C1orf94: variants seen among roughly 807,000 people sequenced by gnomAD.
C1orf94 encodes the protein uncharacterized protein C1orf94.
Under a neutral mutation model 53.6 loss-of-function variants are expected in C1orf94, and 45 were observed. The observed-to-expected ratio is 0.84, with a 90% CI of 0.66 to 1.08. C1orf94 has a LOEUF of 1.08. C1orf94 is among the 50% of genes least tolerant of loss of function. The pLI is 0.00. For synonymous variants in C1orf94, 304 were observed against 296.1 expected (o/e 1.03, Z -0.27); for missense variants, 762 against 738.9 (o/e 1.03, Z -0.36).
chr1:34,190,198 A>G (rs542496937), intron 1 of C1orf94, among the ~76,000 whole-genome samples: 3 of 152,244 alleles, frequency 2.0e-5, no homozygotes, highest in East Asian at 1.9e-4. Flanking sequence ...AAACTCCTCA[A>G]AAATACTGGT....
chr1:34,218,043 G>A (rs1643018052), intron 6 of C1orf94, among the ~76,000 whole-genome samples: 1 of 152,182 alleles, frequency 6.6e-6, no homozygotes, highest in Non-Finnish European at 1.5e-5. Flanking sequence ...GTATGGATAG[G>A]AGTGTGCCAG....
upstream of C1orf94, among the ~76,000 whole-genome samples, chr1:34,174,200 C>A (rs1642187822): frequency 6.6e-6 from 1 of 152,234 alleles, no homozygotes. Context: ...CAGTACAACA[C>A]AATTCTCCCT....
chr1:34,218,473 A>G (rs1643024881), intron 6 of C1orf94, among the ~76,000 whole-genome samples: 1 of 152,164 alleles, frequency 6.6e-6, no homozygotes, highest in African/African-American at 2.4e-5. Flanking sequence ...CCAAGTAAGC[A>G]TAAGGAGAAG....
At chr1:34,187,206 A>G (rs1320711942) in intron 1 of C1orf94, among the ~76,000 whole-genome samples, 1 of 152,148 alleles carries the variant, frequency 6.6e-6, no homozygotes, top group East Asian at 1.9e-4. Context: ...TAAAAGGTCA[A>G]TATTACTCCC....
chr1:34,204,485 A>G (rs1276781515), intron 4 of C1orf94, among the ~76,000 whole-genome samples: 1 of 152,030 alleles, frequency 6.6e-6, no homozygotes, highest in South Asian at 2.1e-4. Flanking sequence ...ATTGTCATGG[A>G]CCTGTTCATA....
chr1:34,197,751 C>A lies in C1orf94; in HGVS notation c.847C>A (p.Pro283Thr), dbSNP rs555746997. ...NLFSGPGPKE[P>T]TGLSPFLLLP... ...GTTCAGTGGCCCTGGACCCAAGGAG[C>A]CCACAGGGCTGAGCCCATTTCTGCT... The change falls in exon 2 of 7, where the codon CCC becomes ACC. Residue 283 changes from proline (P) to threonine (T), a missense_variant. Physicochemically the swap from Pro to Thr is conservative, Grantham distance 38 (BLOSUM62 -1). Coordinates refer to ENST00000488417, the MANE Select transcript of C1orf94 (RefSeq NM_001134734.2). The surrounding 1 kb of genome is among the most constrained non-coding windows in gnomAD (Gnocchi z 4.1). The A allele has an allele frequency of 1.2e-6, 2 of 1,614,218 alleles. No homozygotes were observed. The highest frequency in any genetic ancestry group is 2.7e-5 in the African/African-American group (2 of 75,072).
At chr1:34,193,931 C>T (rs900334158) in intron 1 of C1orf94, among the ~76,000 whole-genome samples, 3 of 152,140 alleles carry the variant, frequency 2.0e-5, no homozygotes, top group Admixed American at 6.5e-5. Flanking sequence ...CTCATTGATT[C>T]CTGTGGTATG....
At chr1:34,196,067 G>T (rs1642574499) in intron 1 of C1orf94, among the ~76,000 whole-genome samples, 1 of 152,156 alleles carries the variant, frequency 6.6e-6, no homozygotes, top group Admixed American at 6.5e-5. Context: ...AGAATGCTTG[G>T]TGTGGGCCAC....
In C1orf94 at chr1:34,177,499, C is replaced by T. The variant is rs189736489; in HGVS notation, c.-291C>T. Among the ~76,000 whole-genome samples the T allele has an allele frequency of 3.4e-3, 516 of 152,348 alleles. 3 individuals carry two copies. The highest frequency in any genetic ancestry group is 0.012 in the African/African-American group (499 of 41,594). ...CTGTTCCCAGATGTCATTCTGCCCG[C>T]CCAGGCGCCTGGTTCCTGAGCTCCG... On this transcript the variant is annotated 5_prime_UTR_variant, in exon 1 of 7. Transcript: ENST00000488417.
intron 4 of C1orf94, among the ~76,000 whole-genome samples, chr1:34,206,373 G>A (rs1053801896): frequency 6.6e-6 from 1 of 152,210 alleles, no homozygotes; most frequent in East Asian, 1.9e-4. Context: ...GATTCCCATA[G>A]GGAAGCTCAG....
chr1:34,177,803 G>C lies in C1orf94; in HGVS notation c.14G>C (p.Gly5Ala). ...CCTTTCTGGTGAATGAGGGGTGGTG[G>C]TGGTTGTGTTCTAGCCCTGGGTGGA... MRGG[G>A]GCVLALGGQR... The change falls in exon 1 of 7, where the codon GGT (glycine) becomes GCT (alanine). Residue 5 changes from glycine (G) to alanine (A), a missense_variant. Physicochemically the swap from Gly to Ala is moderately conservative, Grantham distance 60. Transcript: ENST00000488417. 1 of 1,537,266 alleles carries C rather than the reference G, an allele frequency of 6.5e-7. No individual in the cohort carries two copies. The highest frequency in any genetic ancestry group is 8.8e-7 in the Non-Finnish European group (1 of 1,136,288).
intron 6 of C1orf94, among the ~76,000 whole-genome samples, chr1:34,214,495 C>T (rs1472016498): frequency 6.6e-6 from 1 of 152,092 alleles, no homozygotes; most frequent in Non-Finnish European, 1.5e-5. Flanking sequence ...GACAGATTAT[C>T]ATCCCCTGGA....
At chr1:34,196,911 G>T (rs1179849789) in intron 1 of C1orf94, among the ~76,000 whole-genome samples, 1 of 152,170 alleles carries the variant, frequency 6.6e-6, no homozygotes, top group African/African-American at 2.4e-5. Context: ...CAGGTTCTGA[G>T]CATGAAGAAC....
intron 1 of C1orf94, among the ~76,000 whole-genome samples, chr1:34,192,999 T>C (rs1642518355): frequency 6.6e-6 from 1 of 152,192 alleles, no homozygotes; most frequent in African/African-American, 2.4e-5. Flanking sequence ...GGGGAATGGT[T>C]TGATCTGAGT....
chr1:34,205,586 T>C (rs1642779175), intron 4 of C1orf94, among the ~76,000 whole-genome samples: 1 of 152,186 alleles, frequency 6.6e-6, no homozygotes, highest in Non-Finnish European at 1.5e-5. Flanking sequence ...ATTGAGTCCA[T>C]GGAAGGGTAA....
Position 34,200,888 on chromosome 1 carries a change from A to G in C1orf94, c.1126A>G (p.Thr376Ala). Reference sequence around the variant, plus strand: ...GGAGGGTTGCTGTGACGCAGTGGGCACCGCATCACTGACCCTGCCGCCCAA... The same window carrying G: ...GGAGGGTTGCTGTGACGCAGTGGGCGCCGCATCACTGACCCTGCCGCCCAA... ...GEEGCCDAVG[T>A]ASLTLPPKKP... Residue 376 changes from threonine to alanine, a missense_variant, in exon 3 of 7, where the codon ACC becomes GCC. By Grantham distance (58) the Thr-to-Ala change is moderately conservative. Coordinates refer to ENST00000488417, the MANE Select transcript of C1orf94 (RefSeq NM_001134734.2). 6.2e-7 allele frequency: 1 copy of G among 1,614,170 alleles called. No homozygotes were observed. Among genetic ancestry groups the G allele is most frequent in the Non-Finnish European group, 8.5e-7 (1 of 1,180,036 alleles).
chr1:34,187,437 A>G (rs6689801), intron 1 of C1orf94, among the ~76,000 whole-genome samples: 59,558 of 151,630 alleles, frequency 0.39, 11,890 homozygotes, highest in South Asian at 0.53. Context: ...CCCACTTCCC[A>G]TGTCCCCCTT....
rs962410669 is a variant in C1orf94 at position 34,199,333 on chromosome 1, C to T, written c.1009+1420C>T. ...GGGAAAGGGCTATTATCAGTGGGTA[C>T]TGTTATTTCAGCTCACAGGCTAGGG... On this transcript the variant is annotated intron_variant, in intron 2 of 6. Transcript: ENST00000488417. Among the ~76,000 whole-genome samples the T allele has an allele frequency of 2.6e-5, 4 of 152,250 alleles. No individual in the cohort carries two copies. In the East Asian group the frequency reaches 5.8e-4, roughly 22 times the overall value.
intron 6 of C1orf94, among the ~76,000 whole-genome samples, chr1:34,215,879 G>A (rs1164934368): frequency 6.6e-6 from 1 of 152,070 alleles, no homozygotes; most frequent in Non-Finnish European, 1.5e-5. Context: ...AATCGTGGGT[G>A]CCTATAATCC....
Sources: allele counts gnomAD v4.1 joint callset (sites outside exome capture counted in the v4.1 genomes callset), GRCh38; gene constraint gnomAD v4.1.1; non-coding constraint Gnocchi (gnomAD v3.1); transcripts MANE v1.5; gene names NCBI Gene and HGNC (gene_info 2026-07-23, HGNC 2026-07-21).